Variants in ARL15 observed in about 807,000 individuals in gnomAD.
The protein encoded by ARL15 is ADP-ribosylation factor-like protein 15.
A neutral mutation model predicts 25.2 loss-of-function variants in ARL15; 19 were observed. The observed-to-expected ratio is 0.75, with a 90% CI of 0.53 to 1.10. ARL15 has a LOEUF of 1.10. Among genes scored for constraint, ARL15 ranks in the 50% least tolerant of loss-of-function variants. ARL15 has a pLI of 0.00. For missense variants in ARL15, 220 were observed against 246.0 expected, an observed-to-expected ratio of 0.89 and a Z score of 0.71; for synonymous variants, 94 against 86.8, an observed-to-expected ratio of 1.08 and a Z score of -0.46.
intron 1 of ARL15, chr5:54,282,578 A>G (rs1409307643): frequency 1.0e-6 from 1 of 981,442 alleles, no homozygotes; most frequent in East Asian, 1.3e-4. Flanking sequence ...CAAGAGCATC[A>G]TTTAAGGAGT....
intron 4 of ARL15, among the ~76,000 whole-genome samples, chr5:53,909,466 G>A (rs1300310353): frequency 6.6e-6 from 1 of 152,204 alleles, no homozygotes; most frequent in Non-Finnish European, 1.5e-5. Context: ...CAGCACTTAG[G>A]GAGGCCGAGG....
At chr5:54,141,428 C>T (rs950077673) in intron 3 of ARL15, among the ~76,000 whole-genome samples, 1 of 151,718 alleles carries the variant, frequency 6.6e-6, no homozygotes, top group African/African-American at 2.4e-5. Context: ...GAAAGCAATC[C>T]AAGAAAAGGG....
intron 4 of ARL15, among the ~76,000 whole-genome samples, chr5:54,070,861 A>C (rs1246505174): frequency 6.6e-6 from 1 of 152,046 alleles, no homozygotes; most frequent in Non-Finnish European, 1.5e-5. Flanking sequence ...GGAAAAAAAA[A>C]GAAAAAGAAA....
In ARL15 at chr5:54,095,708, C is replaced by T. The variant is rs564947706; in HGVS notation, c.462+17494G>A. ...TCTGTCTCACAAATATATAAAAACA[C>T]ACTTGGCTTAGTTTCTTCAATATAT... On this transcript the variant is annotated intron_variant, in intron 4 of 4. Transcript: ENST00000504924. 7.9e-5 allele frequency among the ~76,000 whole-genome samples: 12 copies of T among 152,176 alleles called. No individual in the cohort carries two copies. In the East Asian group the frequency reaches 2.3e-3, roughly 29 times the overall value.
At chr5:53,976,220 C>T (rs1747917586) in intron 4 of ARL15, among the ~76,000 whole-genome samples, 1 of 152,060 alleles carries the variant, frequency 6.6e-6, no homozygotes. Flanking sequence ...CACACGAGTA[C>T]CAAAATAGCT....
chr5:53,944,833 T>C (rs556893075), intron 4 of ARL15, among the ~76,000 whole-genome samples: 3 of 152,316 alleles, frequency 2.0e-5, no homozygotes, highest in African/African-American at 7.2e-5. Context: ...GTCTGGCACA[T>C]ATAATGTCCT....
intron 1 of ARL15, among the ~76,000 whole-genome samples, chr5:54,204,587 T>C (rs1380589303): frequency 2.6e-5 from 4 of 152,218 alleles, no homozygotes; most frequent in Non-Finnish European, 5.9e-5. Flanking sequence ...CCAATGCCCA[T>C]ACTTCTTTCT....
chr5:54,196,673 G>A (rs1424179050), intron 1 of ARL15, among the ~76,000 whole-genome samples: 2 of 151,930 alleles, frequency 1.3e-5, no homozygotes, highest in Non-Finnish European at 2.9e-5. Flanking sequence ...ACTTTTGGTT[G>A]TTATTTGAGA....
At chr5:54,262,730 T>C (rs1354151632) in intron 1 of ARL15, among the ~76,000 whole-genome samples, 1 of 152,188 alleles carries the variant, frequency 6.6e-6, no homozygotes, top group African/African-American at 2.4e-5. Context: ...ATAAATAATT[T>C]TCATGTTCCA....
At chr5:54,236,252 GAGATACTGTCATAGTTATGGA>G (rs1326494406) in intron 1 of ARL15, among the ~76,000 whole-genome samples, 1 of 152,136 alleles carries the variant, frequency 6.6e-6, no homozygotes, top group Non-Finnish European at 1.5e-5. Flanking sequence ...CTGAAGTGCT[GAGATACTGTCATAGTTATGGA>G]AGCATTTTCT....
intron 4 of ARL15, among the ~76,000 whole-genome samples, chr5:53,900,321 C>T (rs969719729): frequency 5.9e-5 from 9 of 152,094 alleles, no homozygotes; most frequent in Admixed American, 2.6e-4. Context: ...CAAAGGCCTG[C>T]AATCTGTGAA....
chr5:53,943,877 C>A (rs1317518600), intron 4 of ARL15, among the ~76,000 whole-genome samples: 1 of 152,154 alleles, frequency 6.6e-6, no homozygotes, highest in African/African-American at 2.4e-5. Flanking sequence ...GGAAGCTGTA[C>A]AAAATGTGTC....
At chr5:53,963,625 T>C (rs937348190) in intron 4 of ARL15, among the ~76,000 whole-genome samples, 2 of 152,044 alleles carry the variant, frequency 1.3e-5, no homozygotes, top group African/African-American at 4.8e-5. Context: ...CTGGCCAACA[T>C]GGTGAAACCC....
intron 1 of ARL15, among the ~76,000 whole-genome samples, chr5:54,237,544 G>A (rs746032394): frequency 2.6e-5 from 4 of 151,114 alleles, no homozygotes; most frequent in Non-Finnish European, 5.9e-5. Flanking sequence ...TACATACAGG[G>A]AATAACAAAA....
intron 4 of ARL15, among the ~76,000 whole-genome samples, chr5:54,039,214 G>A (rs1427715232): frequency 2.6e-5 from 4 of 152,124 alleles, no homozygotes; most frequent in Non-Finnish European, 5.9e-5. Flanking sequence ...ACCTTGTATA[G>A]TGAGGCTGTC....
chr5:54,115,493 C>G (rs1287864993), intron 3 of ARL15, among the ~76,000 whole-genome samples: 1 of 152,078 alleles, frequency 6.6e-6, no homozygotes, highest in Non-Finnish European at 1.5e-5. Flanking sequence ...AGCCAAACAG[C>G]TCCCATTTAT....
At chr5:54,172,480 C>A (rs1754749197) in intron 1 of ARL15, among the ~76,000 whole-genome samples, 1 of 151,714 alleles carries the variant, frequency 6.6e-6, no homozygotes, top group Non-Finnish European at 1.5e-5. Flanking sequence ...ATATAGACTG[C>A]ATATTAGATA....
intron 4 of ARL15, among the ~76,000 whole-genome samples, chr5:53,961,844 A>G (rs1406251796): frequency 6.6e-6 from 1 of 152,206 alleles, no homozygotes; most frequent in African/African-American, 2.4e-5. Context: ...AAAACAACCC[A>G]TATTGTTCAG....
intron 1 of ARL15, among the ~76,000 whole-genome samples, chr5:54,300,354 G>C (rs544989719): frequency 6.6e-6 from 1 of 152,170 alleles, no homozygotes; most frequent in African/African-American, 2.4e-5. Flanking sequence ...ACCACATGAA[G>C]AGAGATGCCC....
Sources: allele counts gnomAD v4.1 joint callset (sites outside exome capture counted in the v4.1 genomes callset), GRCh38; gene constraint gnomAD v4.1.1; transcripts MANE v1.5; gene names NCBI Gene and HGNC (gene_info 2026-07-23, HGNC 2026-07-21).